Variants in TRIP13 observed in about 807,000 individuals in gnomAD.
The protein encoded by TRIP13 is thyroid hormone receptor interactor 13, also known as pachytene checkpoint protein 2 homolog.
In TRIP13, 25 loss-of-function variants were observed where a neutral mutation model predicts 54.4. The ratio of observed to expected loss-of-function variants is 0.46; its 90% CI spans 0.33 to 0.64. The LOEUF (loss-of-function observed/expected upper bound fraction) is 0.64. Among genes scored for constraint, TRIP13 ranks in the 30% least tolerant of loss-of-function variants. TRIP13 has a pLI of 0.02. For synonymous variants in TRIP13, 207 were observed against 207.8 expected (o/e 1.00, Z 0.03); for missense variants, 373 against 534.2 (o/e 0.70, Z 2.97).
In TRIP13 at chr5:907,056, G is replaced by A. The variant is rs755985520; in HGVS notation, c.609-74G>A. 1,056 of 1,275,508 alleles carry A rather than the reference G, an allele frequency of 8.3e-4. 2 individuals are homozygous for A. The highest frequency in any genetic ancestry group is 2.2e-3 in the South Asian group (180 of 82,322). 79.0% of individuals were successfully genotyped at this position (1,275,508 alleles called of 1,614,324 possible). On this transcript the variant is annotated intron_variant, in intron 6 of 12. Coordinates refer to ENST00000166345, the MANE Select transcript of TRIP13 (RefSeq NM_004237.4). This position sits in a 1 kb window ranked among gnomAD's most constrained non-coding sequence, Gnocchi z 4.1. The stretch of plus-strand genomic sequence containing the variant: ...TGGGCACTTGAGATGTTGCATTCAG[G>A]ACGCGTGAATGGCTGCCGCTGAGGA...
rs1227202743 is a variant in TRIP13, at chr5:915,788, G to A, written c.1134-116G>A. On this transcript the variant is annotated intron_variant, in intron 11 of 12. Transcript: ENST00000166345. This position sits in a 1 kb window ranked among gnomAD's most constrained non-coding sequence, Gnocchi z 4.2. ...AGGAAGTGCCCTGTGAACCCAGGGT[G>A]TGCTTGGGACGCCTCGGCTTGTGTT... 5.8e-6 allele frequency: 6 copies of A among 1,032,908 alleles called. No homozygotes were observed. Among genetic ancestry groups the A allele is most frequent in the Non-Finnish European group, 9.0e-6 (6 of 663,920 alleles). 64.0% of individuals were successfully genotyped at this position (1,032,908 alleles called of 1,614,324 possible). A position where few individuals can be genotyped will look rare whatever the true frequency, so the allele number is the denominator to read the frequency against.
intron 1 of TRIP13, among the ~76,000 whole-genome samples, chr5:894,326 G>A (rs1753836787): frequency 6.6e-6 from 1 of 152,130 alleles, no homozygotes; most frequent in African/African-American, 2.4e-5. Context: ...GGGGGACCAA[G>A]GGAAGCCCTG....
intron 12 of TRIP13, among the ~76,000 whole-genome samples, chr5:916,385 C>A (rs1213931576): frequency 2.0e-5 from 3 of 152,238 alleles, no homozygotes; most frequent in Admixed American, 6.5e-5. Context: ...GGCACTCACC[C>A]CTCCCCTGCA....
At chr5:910,278 C>T (rs755026807) in intron 9 of TRIP13, among the ~76,000 whole-genome samples, 56 of 152,322 alleles carry the variant, frequency 3.7e-4, no homozygotes, top group South Asian at 4.1e-4. Context: ...CCTCCCTCCC[C>T]GGCCTCCATT....
At position 912,255 on chromosome 5, in the gene TRIP13, G is replaced by T. The variant is rs1754251060; in HGVS notation, c.1020+259G>T. Among the ~76,000 whole-genome samples, 1 of 151,770 alleles carries T rather than the reference G, an allele frequency of 6.6e-6. No individual in the cohort carries two copies. The highest frequency in any genetic ancestry group is 1.9e-4 in the East Asian group (1 of 5,152). On this transcript the variant is annotated intron_variant, in intron 10 of 12. Coordinates refer to ENST00000166345, the MANE Select transcript of TRIP13 (RefSeq NM_004237.4). The surrounding 1 kb of genome is among the most constrained non-coding windows in gnomAD (Gnocchi z 7.2). ...TATTTGAGGTACCAGTCAGTGTAGG[G>T]GACGTCAGTGACCGGCTGTGTTTAC... is the stretch of plus-strand genomic sequence containing the variant.
intron 5 of TRIP13, 134 bp from the exon 6 acceptor site, chr5:904,014 C>G: frequency 1.4e-6 from 1 of 722,340 alleles, no homozygotes; most frequent in Non-Finnish European, 2.2e-6. Flanking sequence ...TCTAAGCAGA[C>G]TTCATTGTAG....
rs750435963 is a variant in TRIP13 at position 893,030 on chromosome 5, C to G, written c.32C>G (p.Ala11Gly). Residue 11 changes from alanine (A) to glycine (G), a missense_variant, in exon 1 of 13, where the codon GCG (alanine) becomes GGG (glycine). By Grantham distance (60) the Ala-to-Gly change is moderately conservative. Transcript: ENST00000166345. The part of the protein sequence containing the change: MDEAVGDLKQ[A>G]LPCVAESPTV... ...GAGGCCGTGGGCGACCTGAAGCAGG[C>G]GCTTCCCTGTGTGGCCGAGTCGCCA... 6.3e-7 allele frequency: 1 copy of G among 1,594,844 alleles called. No individual in the cohort carries two copies. Among genetic ancestry groups the G allele is most frequent in the Non-Finnish European group, 8.5e-7 (1 of 1,174,608 alleles).
rs1005400617 is a variant in TRIP13 at position 892,934 on chromosome 5, C to A, written c.-65C>A. 8 of 1,373,858 alleles carry A rather than the reference C, an allele frequency of 5.8e-6. No homozygotes were observed. The African/African-American group carries it at 1.2e-4, about 21-fold the overall frequency. 85.1% of individuals were successfully genotyped at this position (1,373,858 alleles called of 1,614,324 possible). A position where few individuals can be genotyped will look rare whatever the true frequency, so the allele number is the denominator to read the frequency against. On this transcript the variant is annotated 5_prime_UTR_variant, in exon 1 of 13. Coordinates refer to ENST00000166345, the MANE Select transcript of TRIP13 (RefSeq NM_004237.4). ...CGGGCTGAGGCAGCGGCTGTGGCGGCGACGCTGGGCGTGAGGTGGCGGCGG... is the reference window on the plus strand; with the variant it reads ...CGGGCTGAGGCAGCGGCTGTGGCGGAGACGCTGGGCGTGAGGTGGCGGCGG...
At chr5:897,236 G>A (rs1382600363) in intron 3 of TRIP13, among the ~76,000 whole-genome samples, 7 of 137,728 alleles carry the variant, frequency 5.1e-5, no homozygotes, top group Non-Finnish European at 9.5e-5. Context: ...GGGGAAACAG[G>A]TGGATTTGGA....
At position 892,986 on chromosome 5, in the gene TRIP13, T is replaced by C. The variant is rs1468533455; in HGVS notation, c.-13T>C. On this transcript the variant is annotated 5_prime_UTR_variant, in exon 1 of 13. Coordinates refer to ENST00000166345, the MANE Select transcript of TRIP13 (RefSeq NM_004237.4). Reference sequence around the variant, plus strand: ...CGCGCCCTGGTTGGGTCCCCACTGCTCTCGGGGGCGCCATGGACGAGGCCG... The same window carrying C: ...CGCGCCCTGGTTGGGTCCCCACTGCCCTCGGGGGCGCCATGGACGAGGCCG... The C allele has an allele frequency of 9.0e-6, 14 of 1,559,962 alleles. No individual in the cohort carries two copies. The highest frequency in any genetic ancestry group is 4.8e-5 in the East Asian group (2 of 41,636).
At chr5:896,939 T>G (rs1325827601) in intron 3 of TRIP13, 145 bp downstream of exon 3, 22 of 1,030,082 alleles carry the variant, frequency 2.1e-5, no homozygotes, top group Non-Finnish European at 2.6e-5. Flanking sequence ...ATGGAAAGTA[T>G]ATCACAAAAG....
Position 911,816 on chromosome 5 carries a change from G to C in TRIP13, c.867-27G>C, listed in dbSNP as rs1236917374. On this transcript the variant is annotated intron_variant, in intron 9 of 12. Transcript: ENST00000166345. The surrounding 1 kb of genome is among the most constrained non-coding windows in gnomAD (Gnocchi z 4.7). Reference sequence around the variant, plus strand: ...TGGGTCACCGACAGCCGTGATGACTGTGGTGCTTGCTTCTCGGCCACAACA... The same window carrying C: ...TGGGTCACCGACAGCCGTGATGACTCTGGTGCTTGCTTCTCGGCCACAACA... 6.2e-7 allele frequency: 1 copy of C among 1,600,202 alleles called. No individual in the cohort carries two copies. Among genetic ancestry groups the C allele is most frequent in the Admixed American group, 1.8e-5 (1 of 56,978 alleles).
Position 907,922 on chromosome 5 carries a change from G to T in TRIP13, c.673-66G>T. On this transcript the variant is annotated intron_variant, in intron 7 of 12. Transcript: ENST00000166345. The surrounding 1 kb of genome is among the most constrained non-coding windows in gnomAD (Gnocchi z 4.1). ...CAACTGGGGCAGCAGGCCACATCAG[G>T]GTCCCCCTGTGCACCTGGCAGTGTG... 3 of 1,547,492 alleles carry T rather than the reference G, an allele frequency of 1.9e-6. No individual in the cohort carries two copies. The highest frequency in any genetic ancestry group is 2.7e-6 in the Non-Finnish European group (3 of 1,119,780).
intron 6 of TRIP13, among the ~76,000 whole-genome samples, chr5:904,662 C>G (rs758870341): frequency 6.6e-6 from 1 of 151,962 alleles, no homozygotes; most frequent in East Asian, 1.9e-4. Context: ...TTCCACAGGC[C>G]ACTCCTGTGC....
chr5:893,242 G>A, intron 1 of TRIP13, 152 bp downstream of exon 1: 1 of 785,840 alleles, frequency 1.3e-6, no homozygotes, highest in Non-Finnish European at 2.0e-6. Context: ...ACAGGCCGCC[G>A]GGCCCCGACC....
chr5:909,741 A>G (rs1484148920), intron 9 of TRIP13, among the ~76,000 whole-genome samples: 2 of 152,230 alleles, frequency 1.3e-5, no homozygotes, highest in African/African-American at 2.4e-5. Context: ...TAAATTAACT[A>G]AAAGTATCCC....
At chr5:896,538 C>A in intron 2 of TRIP13, 127 bp from the exon 3 acceptor site, 1 of 997,456 alleles carries the variant, frequency 1.0e-6, no homozygotes, top group Non-Finnish European at 1.4e-6. Flanking sequence ...CTCATCTAAT[C>A]TGAGAACTAG....
chr5:896,817 A>C lies in TRIP13; in HGVS notation c.388+23A>C, dbSNP rs773896236. On this transcript the variant is annotated intron_variant, in intron 3 of 12. Coordinates refer to ENST00000166345, the MANE Select transcript of TRIP13 (RefSeq NM_004237.4). The stretch of plus-strand genomic sequence containing the variant: ...CAGGTATGGGGTGTGATGGGAGTTG[A>C]AGGGGAGGCTGAGGTCAGAGGATTG... 10 of 1,609,560 alleles carry C rather than the reference A, an allele frequency of 6.2e-6. No homozygotes were observed. The South Asian group carries it at 1.1e-4, about 18-fold the overall frequency.
chr5:900,282 T>C (rs1560944760), intron 3 of TRIP13, among the ~76,000 whole-genome samples: 1 of 152,240 alleles, frequency 6.6e-6, no homozygotes, highest in Non-Finnish European at 1.5e-5. Context: ...AGAAGTTACA[T>C]GTGACTGGCA....
Sources: gnomAD v4.1 joint callset for allele counts (sites outside exome capture counted in the v4.1 genomes callset) on GRCh38, gnomAD v4.1.1 for gene constraint, Gnocchi (gnomAD v3.1) non-coding constraint, MANE v1.5 for transcripts, NCBI Gene and HGNC (gene_info 2026-07-23, HGNC 2026-07-21) for gene names.